Variants in MMEL1 observed in about 807,000 individuals in gnomAD.
MMEL1 encodes the protein membrane metallo-endopeptidase-like 1.
Under a neutral mutation model 117.1 loss-of-function variants are expected in MMEL1, and 98 were observed. That is an observed-to-expected ratio of 0.84 (90% confidence interval 0.71 to 0.99). MMEL1 has a LOEUF of 0.99. Among genes scored for constraint, MMEL1 ranks in the 50% least tolerant of loss-of-function variants. MMEL1 has a pLI of 0.00. For synonymous variants in MMEL1, 390 were observed against 415.1 expected (o/e 0.94, Z 0.74); for missense variants, 1,014 against 1,049.1 (o/e 0.97, Z 0.46).
chr1:2,620,991 A>T (rs1645281050), intron 2 of MMEL1, among the ~76,000 whole-genome samples: 1 of 152,174 alleles, frequency 6.6e-6, no homozygotes, highest in Non-Finnish European at 1.5e-5. Context: ...CATTCACCTT[A>T]AAACAGAGAC....
At chr1:2,620,346 C>T (rs12117343) in intron 2 of MMEL1, among the ~76,000 whole-genome samples, 25,297 of 152,062 alleles carry the variant, frequency 0.17, 2,524 homozygotes, top group South Asian at 0.25. Flanking sequence ...CACTGAAGGA[C>T]GAGCGCTAAA....
chr1:2,611,283 G>GCT lies in MMEL1; in HGVS notation c.288_289dup (p.Ala97GlufsTer33). On this transcript the variant is annotated frameshift_variant, in exon 4 of 24. Transcript: ENST00000378412. LOFTEE classifies it high-confidence loss of function. ...GACGGCAAGGGGGCGGGGCTTACCT[G>GCT]CTATCACGCAGCCAGGGGTGGTGCA... 1 of 1,579,150 alleles carries GCT rather than the reference G, an allele frequency of 6.3e-7. No individual in the cohort carries two copies. The highest frequency in any genetic ancestry group is 8.6e-7 in the Non-Finnish European group (1 of 1,164,338).
intron 22 of MMEL1, 103 bp from the exon 23 acceptor site, chr1:2,591,736 G>T: frequency 1.8e-6 from 2 of 1,125,774 alleles, no homozygotes; most frequent in Non-Finnish European, 2.7e-6. Flanking sequence ...CTAGGGTGGG[G>T]TGAGGGGAGT....
intron 2 of MMEL1, among the ~76,000 whole-genome samples, chr1:2,618,510 C>A (rs1357926256): frequency 6.6e-6 from 1 of 152,162 alleles, no homozygotes; most frequent in Non-Finnish European, 1.5e-5. Flanking sequence ...CTTCTCCATC[C>A]CTCTTTCAGA....
chr1:2,620,851 T>G (rs148145286), intron 2 of MMEL1, among the ~76,000 whole-genome samples: 76 of 150,868 alleles, frequency 5.0e-4, no homozygotes, highest in Admixed American at 9.9e-4. Flanking sequence ...AGGTGACTGA[T>G]GGACCCTCCC....
At chr1:2,611,983 T>C (rs1645137107) in intron 3 of MMEL1, 144 bp downstream of exon 3, 1 of 718,656 alleles carries the variant, frequency 1.4e-6, no homozygotes, top group Non-Finnish European at 2.4e-6. Context: ...CTGAGGTCCC[T>C]GCCACTGTCC....
In MMEL1 at chr1:2,597,241, C is replaced by CT. The variant is rs571487141; in HGVS notation, c.1273-553dup. ...CTTCTGGGCTGCAGGACTTCCTGCC[C>CT]TTTAGGAAAGGGAGGCAGCCCTTTC... On this transcript the variant is annotated intron_variant, in intron 13 of 23. Transcript: ENST00000378412. Among the ~76,000 whole-genome samples the CT allele has an allele frequency of 1.5e-3, 234 of 152,198 alleles. 1 individual carries two copies. The highest frequency in any genetic ancestry group is 5.4e-3 in the African/African-American group (223 of 41,508).
chr1:2,595,988 T>G lies in MMEL1; in HGVS notation c.1500+21A>C, dbSNP rs1322411091. The G allele has an allele frequency of 6.2e-7, 1 of 1,607,438 alleles. No individual in the cohort carries two copies. Among genetic ancestry groups the G allele is most frequent in the Non-Finnish European group, 8.5e-7 (1 of 1,174,458 alleles). ...TGCCCAGATCCAGTCGGGGCTGCCC[T>G]GACCTCTGCGAGCCACATACCTTCT... On this transcript the variant is annotated intron_variant, in intron 15 of 23. Coordinates refer to ENST00000378412, the MANE Select transcript of MMEL1 (RefSeq NM_033467.4). This position sits in a 1 kb window ranked among gnomAD's most constrained non-coding sequence, Gnocchi z 4.8.
chr1:2,628,616 A>C (rs922011713), intron 2 of MMEL1, among the ~76,000 whole-genome samples: 1 of 147,528 alleles, frequency 6.8e-6, no homozygotes, highest in Non-Finnish European at 1.5e-5. Context: ...CTGGAAGGTG[A>C]CCAGGTCTAC....
rs780405370 is a variant in MMEL1, at chr1:2,596,658, C to T, written c.1304G>A (p.Arg435His). The change falls in exon 14 of 24, where the codon CGC (arginine) becomes CAC (histidine). Residue 435 changes from arginine to histidine, a missense_variant. Coordinates refer to ENST00000378412, the MANE Select transcript of MMEL1 (RefSeq NM_033467.4). ...ALFGTMVEEV[R>H]WRECVGYVNS... ...GACGTAGCCCACACATTCACGCCAG[C>T]GCACCTCCTCCACCATTGTGCCAAA... The T allele has an allele frequency of 2.1e-5, 34 of 1,612,878 alleles. No individual in the cohort carries two copies. The Admixed American group carries it at 2.3e-4, about 11-fold the overall frequency.
chr1:2,590,945 C>T lies in MMEL1; in HGVS notation c.*45G>A, dbSNP rs61729818. 5.9e-5 allele frequency: 83 copies of T among 1,410,884 alleles called. No homozygotes were observed. The highest frequency in any genetic ancestry group is 2.3e-4 in the African/African-American group (16 of 68,884). The allele number at this position is 1,410,884 out of a possible 1,614,324, so 87.4% of individuals were successfully genotyped here. The stretch of plus-strand genomic sequence containing the variant: ...AGCTGCACCTTCGCACAGATGCCTC[C>T]GAGCAGCGGGTGGGCGTGGGCCGCA... On this transcript the variant is annotated 3_prime_UTR_variant, in exon 24 of 24. Coordinates refer to ENST00000378412, the MANE Select transcript of MMEL1 (RefSeq NM_033467.4).
intron 19 of MMEL1, among the ~76,000 whole-genome samples, chr1:2,593,452 G>A (rs1443908148): frequency 6.6e-6 from 1 of 152,212 alleles, no homozygotes; most frequent in Admixed American, 6.5e-5. Context: ...CACACCCCCC[G>A]GTGGAGGATG....
chr1:2,610,370 C>T (rs1377948231), intron 4 of MMEL1, among the ~76,000 whole-genome samples: 3 of 152,178 alleles, frequency 2.0e-5, no homozygotes, highest in Non-Finnish European at 2.9e-5. Flanking sequence ...GAACCCCAAA[C>T]CCTCCGAGAC....
chr1:2,603,949 G>A lies in MMEL1; in HGVS notation c.976C>T (p.His326Tyr). ...CGGTGGTACAAGGCGATGACGTCGT[G>A]TCTCTCCTCCTGGGGTACCGTGGCC... ...AKATVPQEER[H>Y]DVIALYHRMG... Residue 326 changes from histidine to tyrosine, a missense_variant, in exon 11 of 24, where the codon CAC becomes TAC. His to Tyr is a moderately conservative substitution (Grantham distance 83, BLOSUM62 2). Transcript: ENST00000378412. The A allele has an allele frequency of 6.2e-7, 1 of 1,613,914 alleles. No homozygotes were observed. Among genetic ancestry groups the A allele is most frequent in the Non-Finnish European group, 8.5e-7 (1 of 1,180,004 alleles).
chr1:2,605,247 C>G (rs1183591074), intron 9 of MMEL1, among the ~76,000 whole-genome samples: 1 of 152,212 alleles, frequency 6.6e-6, no homozygotes, highest in Non-Finnish European at 1.5e-5. Flanking sequence ...CAGGGGCCCT[C>G]CTGGGAATCC....
At chr1:2,596,725 C>A in intron 13 of MMEL1, 36 bp from the exon 14 acceptor site, 1 of 1,607,202 alleles carries the variant, frequency 6.2e-7, no homozygotes, top group East Asian at 2.2e-5. Context: ...CGGGCCCCCA[C>A]GTCAGCCTTC....
intron 2 of MMEL1, among the ~76,000 whole-genome samples, chr1:2,619,833 T>C (rs1185247410): frequency 1.3e-5 from 2 of 151,826 alleles, no homozygotes; most frequent in Non-Finnish European, 2.9e-5. Flanking sequence ...AACAGAAGAT[T>C]TAGTGAAATG....
chr1:2,611,319 A>C lies in MMEL1; in HGVS notation c.254T>G (p.Val85Gly), dbSNP rs1017041872. The C allele has an allele frequency of 6.4e-7, 1 of 1,555,056 alleles. No homozygotes were observed. Among genetic ancestry groups the C allele is most frequent in the African/African-American group, 1.4e-5 (1 of 71,950 alleles). Residue 85 changes from valine to glycine, a missense_variant, in exon 4 of 24, where the codon GTG (valine) becomes GGG (glycine). Physicochemically the swap from Val to Gly is moderately radical, Grantham distance 109. Coordinates refer to ENST00000378412, the MANE Select transcript of MMEL1 (RefSeq NM_033467.4). ...GCCAGGGGTGGTGCAGACCTCGCTC[A>C]CCTCTTGGGCCTCTGGGATCCCTGC... ...KPRGIPEAQE[V>G]SEVCTTPGCV...
intron 8 of MMEL1, 128 bp from the exon 9 acceptor site, chr1:2,605,751 G>T: frequency 1.5e-6 from 1 of 674,256 alleles, no homozygotes; most frequent in Non-Finnish European, 2.5e-6. Context: ...GGAGCTGGTG[G>T]TGGAGCTTGT....
Sources: allele counts gnomAD v4.1 joint callset (sites outside exome capture counted in the v4.1 genomes callset), GRCh38; gene constraint gnomAD v4.1.1; non-coding constraint Gnocchi (gnomAD v3.1); transcripts MANE v1.5; gene names NCBI Gene and HGNC (gene_info 2026-07-23, HGNC 2026-07-21).